FNIP2: variants seen among roughly 807,000 people sequenced by gnomAD.
FNIP2 encodes folliculin interacting protein 2, also known as folliculin-interacting protein 2.
FNIP2 carries 32 observed loss-of-function variants against 108.7 expected under a neutral mutation model. The ratio of observed to expected loss-of-function variants is 0.29; its 90% CI spans 0.22 to 0.40. The LOEUF is 0.40. Among genes scored for constraint, FNIP2 ranks in the 10% least tolerant of loss-of-function variants. The pLI is 1.00. For missense variants in FNIP2, 1,202 were observed against 1,381.6 expected (o/e 0.87, Z 2.06); for synonymous variants, 480 against 496.7 (o/e 0.97, Z 0.45).
chr4:158,905,871 TCAAG>T lies in FNIP2; in HGVS notation c.*1330_*1333del, dbSNP rs1438169386. The T allele has an allele frequency of 1.3e-5, 2 of 152,208 alleles. No individual in the cohort carries two copies. Among genetic ancestry groups the T allele is most frequent in the Non-Finnish European group, 2.9e-5 (2 of 68,042 alleles). 9.4% of individuals were successfully genotyped at this position (152,208 alleles called of 1,614,324 possible). A position where few individuals can be genotyped will look rare whatever the true frequency, so the allele number is the denominator to read the frequency against. On this transcript the variant is annotated 3_prime_UTR_variant, in exon 17 of 17. Coordinates refer to ENST00000264433, the MANE Select transcript of FNIP2 (RefSeq NM_020840.3). ...AAACATCTTTAGCACTTTGCAGATC[TCAAG>T]CAGTTAACCAGGCTCTGATTCCCTT...
intron 1 of FNIP2, among the ~76,000 whole-genome samples, chr4:158,793,958 A>G (rs955525544): frequency 1.3e-5 from 2 of 152,210 alleles, no homozygotes; most frequent in Non-Finnish European, 2.9e-5. Context: ...CACCAGCCAC[A>G]TGTCTAGTCG....
chr4:158,821,148 T>C lies in FNIP2; in HGVS notation c.108-4768T>C, dbSNP rs183917744. Among the ~76,000 whole-genome samples, 435 of 152,340 alleles carry C rather than the reference T, an allele frequency of 2.9e-3. 1 individual carries two copies. The highest frequency in any genetic ancestry group is 4.8e-3 in the Non-Finnish European group (327 of 68,032). ...GCTAACCAGGCAAATCCTGGCATCATGGAATTTTAAAACCAAAAAGAGTCT... is the reference window on the plus strand; with the variant it reads ...GCTAACCAGGCAAATCCTGGCATCACGGAATTTTAAAACCAAAAAGAGTCT... On this transcript the variant is annotated intron_variant, in intron 1 of 16. Transcript: ENST00000264433.
intron 2 of FNIP2, among the ~76,000 whole-genome samples, chr4:158,826,354 G>C (rs1449158094): frequency 6.6e-6 from 1 of 152,208 alleles, no homozygotes; most frequent in East Asian, 1.9e-4. Context: ...GATGCCAAGT[G>C]AGTGCCTCAA....
At chr4:158,853,127 C>T (rs1338432713) in intron 8 of FNIP2, among the ~76,000 whole-genome samples, 1 of 151,952 alleles carries the variant, frequency 6.6e-6, no homozygotes, top group Non-Finnish European at 1.5e-5. Context: ...TTTTTGATGT[C>T]ATAATTTTAT....
At chr4:158,891,996 A>G (rs1408954146) in intron 15 of FNIP2, among the ~76,000 whole-genome samples, 1 of 152,202 alleles carries the variant, frequency 6.6e-6, no homozygotes. Context: ...TAAGTAGGCC[A>G]GTTTCTGAAG....
intron 1 of FNIP2, among the ~76,000 whole-genome samples, chr4:158,791,505 C>T (rs1776419630): frequency 6.6e-6 from 1 of 152,048 alleles, no homozygotes; most frequent in South Asian, 2.1e-4. Flanking sequence ...TGGTCTCAAA[C>T]TCCTGACCTC....
At chr4:158,862,763 G>A (rs1264011429) in intron 12 of FNIP2, among the ~76,000 whole-genome samples, 1 of 152,096 alleles carries the variant, frequency 6.6e-6, no homozygotes. Context: ...AGTTTTTCCT[G>A]GGGAAGACAG....
rs200623773 is a variant in FNIP2 at position 158,895,740 on chromosome 4, G to C, written c.3151-10G>C. On this transcript the variant is annotated splice_polypyrimidine_tract_variant and intron_variant, in intron 15 of 16. Transcript: ENST00000264433. ...TCTAGCCCTCATTGTGAATGTTCTT[G>C]GCTTTGCAGTGCATCATGCATCTTG... 6.4e-7 allele frequency: 1 copy of C among 1,550,726 alleles called. No individual in the cohort carries two copies. Among genetic ancestry groups the C allele is most frequent in the East Asian group, 2.2e-5 (1 of 44,468 alleles).
At chr4:158,796,382 CTGT>C (rs938174169) in intron 1 of FNIP2, among the ~76,000 whole-genome samples, 6 of 148,416 alleles carry the variant, frequency 4.0e-5, no homozygotes, top group African/African-American at 1.2e-4. Flanking sequence ...AATTTTCTAA[CTGT>C]TGTGCTAATT....
intron 7 of FNIP2, among the ~76,000 whole-genome samples, chr4:158,841,655 A>C (rs760039263): frequency 1.3e-5 from 2 of 152,236 alleles, no homozygotes; most frequent in Non-Finnish European, 2.9e-5. Context: ...CTGGCAGTAC[A>C]ACTTGATCCT....
In FNIP2 at chr4:158,859,133, G is replaced by C; in HGVS notation, c.934G>C (p.Ala312Pro). The C allele has an allele frequency of 6.2e-7, 1 of 1,613,984 alleles. No individual in the cohort carries two copies. The highest frequency in any genetic ancestry group is 8.5e-7 in the Non-Finnish European group (1 of 1,179,856). The change falls in exon 9 of 17, where the codon GCC becomes CCC. Residue 312 changes from alanine (A) to proline (P), a missense_variant. Ala to Pro is a conservative substitution (Grantham distance 27). Coordinates refer to ENST00000264433, the MANE Select transcript of FNIP2 (RefSeq NM_020840.3). Reference protein sequence around the residue: ...NPAMVRRKKIAISIIFSLCEK... With the variant: ...NPAMVRRKKIPISIIFSLCEK... ...AGCTATGGTTAGGAGGAAGAAAATT[G>C]CCATAAGCATCATCTTTTCCCTATG... is the stretch of plus-strand genomic sequence containing the variant.
At chr4:158,850,196 T>C (rs950546129) in intron 7 of FNIP2, among the ~76,000 whole-genome samples, 2 of 152,238 alleles carry the variant, frequency 1.3e-5, no homozygotes, top group Admixed American at 1.3e-4. Flanking sequence ...TTCATGAGCA[T>C]AGTATACTGT....
chr4:158,789,331 G>A (rs1578825467), intron 1 of FNIP2, among the ~76,000 whole-genome samples: 1 of 152,124 alleles, frequency 6.6e-6, no homozygotes, highest in African/African-American at 2.4e-5. Context: ...ATGTGTGTGT[G>A]TGTGTGAGAA....
At chr4:158,847,102 A>T (rs549941936) in intron 7 of FNIP2, among the ~76,000 whole-genome samples, 1 of 152,348 alleles carries the variant, frequency 6.6e-6, no homozygotes, top group East Asian at 1.9e-4. Context: ...AACTTGAGTT[A>T]CAGAAAGCCT....
At chr4:158,876,986 A>T (rs1781319321) in intron 14 of FNIP2, among the ~76,000 whole-genome samples, 1 of 152,170 alleles carries the variant, frequency 6.6e-6, no homozygotes, top group African/African-American at 2.4e-5. Context: ...TCTAATTTTG[A>T]TGTTTTTCCC....
At chr4:158,873,833 T>C (rs1308813864) in intron 14 of FNIP2, among the ~76,000 whole-genome samples, 2 of 152,246 alleles carry the variant, frequency 1.3e-5, no homozygotes, top group African/African-American at 4.8e-5. Flanking sequence ...GTTTCAGTTT[T>C]TTTCTTGCCA....
At chr4:158,776,421 A>G (rs1409372578) in intron 1 of FNIP2, among the ~76,000 whole-genome samples, 2 of 152,234 alleles carry the variant, frequency 1.3e-5, no homozygotes, top group Non-Finnish European at 2.9e-5. Flanking sequence ...TTAACACCTT[A>G]TAAATACTTC....
intron 14 of FNIP2, among the ~76,000 whole-genome samples, chr4:158,883,532 C>G (rs527826324): frequency 2.6e-5 from 4 of 152,326 alleles, no homozygotes; most frequent in Non-Finnish European, 5.9e-5. Context: ...TGAGCCATCG[C>G]GCCCAGCCTC....
Position 158,832,067 on chromosome 4 carries a change from T to A in FNIP2, c.483T>A (p.Arg161=). The part of the protein sequence containing the change: ...KGSTLKIHYI[R]SPPQLMISKV... ...CCCTCTCCTTTTTTCCCCTCCACAG[T>A]TCTCCTCCACAACTGATGATTAGTA... The change falls in exon 5 of 17, where the codon CGT becomes CGA. Residue 161 remains arginine, a splice_region_variant and synonymous_variant. Transcript: ENST00000264433. 6.2e-7 allele frequency: 1 copy of A among 1,613,696 alleles called. No individual in the cohort carries two copies. The highest frequency in any genetic ancestry group is 1.6e-4 in the Middle Eastern group (1 of 6,062).
Sources: allele counts gnomAD v4.1 joint callset (sites outside exome capture counted in the v4.1 genomes callset), GRCh38; gene constraint gnomAD v4.1.1; transcripts MANE v1.5; gene names NCBI Gene and HGNC (gene_info 2026-07-23, HGNC 2026-07-21).